Variants in RAPGEF4 observed in about 807,000 individuals in gnomAD.
RAPGEF4 encodes RAP guanine-nucleotide-exchange factor (GEF) 4.
A neutral mutation model predicts 147.9 loss-of-function variants in RAPGEF4; 66 were observed. That is an observed-to-expected ratio of 0.45 (90% CI 0.37 to 0.55). The LOEUF (loss-of-function observed/expected upper bound fraction) is 0.55. RAPGEF4 is among the 20% of genes least tolerant of loss of function. RAPGEF4 has a pLI of 0.00. For missense variants in RAPGEF4, 1,071 were observed against 1,257.3 expected (o/e 0.85, Z 2.24); for synonymous variants, 419 against 442.7 (o/e 0.95, Z 0.67).
chr2:173,001,232 C>T (rs752843797), intron 16 of RAPGEF4, 34 bp from the exon 17 acceptor site: 9 of 1,605,944 alleles, frequency 5.6e-6, no homozygotes, highest in South Asian at 3.3e-5. Flanking sequence ...TCCACAAGAA[C>T]CTAATTTCCT....
chr2:172,780,983 A>G (rs1004102083), intron 1 of RAPGEF4, among the ~76,000 whole-genome samples: 1 of 152,188 alleles, frequency 6.6e-6, no homozygotes, highest in African/African-American at 2.4e-5. Context: ...ATTGAAATTG[A>G]GGCTATTCAT....
intron 6 of RAPGEF4, among the ~76,000 whole-genome samples, chr2:172,943,651 C>T (rs1177286703): frequency 6.6e-6 from 1 of 152,236 alleles, no homozygotes; most frequent in East Asian, 1.9e-4. Flanking sequence ...TGTGCTGAAG[C>T]ACCCTAAACA....
chr2:172,990,279 T>G (rs573686017), intron 14 of RAPGEF4, among the ~76,000 whole-genome samples: 3 of 152,326 alleles, frequency 2.0e-5, no homozygotes, highest in Non-Finnish European at 2.9e-5. Context: ...CGAATCAGAT[T>G]AGGACCATTA....
At chr2:172,988,571 A>T in intron 13 of RAPGEF4, 122 bp from the exon 14 acceptor site, 1 of 1,204,632 alleles carries the variant, frequency 8.3e-7, no homozygotes, top group South Asian at 1.5e-5. Context: ...CCCCTTTGGC[A>T]TCGCTAGGTA....
At chr2:172,945,085 T>C (rs1194272678) in intron 6 of RAPGEF4, among the ~76,000 whole-genome samples, 1 of 152,188 alleles carries the variant, frequency 6.6e-6, no homozygotes, top group Non-Finnish European at 1.5e-5. Context: ...ATGCTACTTA[T>C]TTCTTTGGCC....
intron 4 of RAPGEF4, among the ~76,000 whole-genome samples, chr2:172,915,038 A>G (rs925996119): frequency 6.6e-6 from 1 of 152,184 alleles, no homozygotes; most frequent in Non-Finnish European, 1.5e-5. Flanking sequence ...ATCCTAATTA[A>G]TATAGAGCGT....
At chr2:172,829,525 G>A (rs1171456848) in intron 4 of RAPGEF4, among the ~76,000 whole-genome samples, 2 of 152,158 alleles carry the variant, frequency 1.3e-5, no homozygotes, top group South Asian at 2.1e-4. Context: ...GTCTCTGTAT[G>A]TGAATAATAC....
intron 6 of RAPGEF4, among the ~76,000 whole-genome samples, chr2:172,923,970 A>T (rs533431606): frequency 3.9e-5 from 6 of 152,182 alleles, no homozygotes; most frequent in African/African-American, 7.2e-5. Context: ...AAAAAACTTT[A>T]AAAAAAATCT....
At chr2:173,008,811 G>T (rs1040682448) in intron 17 of RAPGEF4, among the ~76,000 whole-genome samples, 3 of 152,132 alleles carry the variant, frequency 2.0e-5, no homozygotes, top group Non-Finnish European at 4.4e-5. Context: ...AAAATTACAG[G>T]TGCCTGTGGT....
intron 3 of RAPGEF4, among the ~76,000 whole-genome samples, chr2:172,803,828 T>C (rs1687211122): frequency 1.3e-5 from 2 of 152,160 alleles, no homozygotes; most frequent in African/African-American, 4.8e-5. Context: ...AAACCCTAAA[T>C]CATCTCTCTC....
rs551843851 is a variant in RAPGEF4 at position 172,802,185 on chromosome 2, T to C, written c.297+4572T>C. 5.9e-4 allele frequency among the ~76,000 whole-genome samples: 90 copies of C among 152,362 alleles called. 1 individual carries two copies. The highest frequency in any genetic ancestry group is 1.1e-3 in the Non-Finnish European group (77 of 68,038). ...ATGGGAATACATGAGGGAGACCACC[T>C]TTCCCAGATTCTGCAATAGTATTTT... On this transcript the variant is annotated intron_variant, in intron 3 of 30. Coordinates refer to ENST00000397081, the MANE Select transcript of RAPGEF4 (RefSeq NM_007023.4).
At chr2:172,963,611 T>C (rs1342892150) in intron 8 of RAPGEF4, among the ~76,000 whole-genome samples, 1 of 152,218 alleles carries the variant, frequency 6.6e-6, no homozygotes, top group Non-Finnish European at 1.5e-5. Flanking sequence ...AGGTGTTATG[T>C]CTGTTCCATG....
chr2:172,875,674 G>C (rs1314998285), intron 4 of RAPGEF4, among the ~76,000 whole-genome samples: 1 of 152,176 alleles, frequency 6.6e-6, no homozygotes, highest in African/African-American at 2.4e-5. Flanking sequence ...TTTGAAGTCA[G>C]GTAGCATGAT....
intron 6 of RAPGEF4, among the ~76,000 whole-genome samples, chr2:172,936,665 C>G (rs1256368324): frequency 6.6e-6 from 1 of 151,552 alleles, no homozygotes; most frequent in South Asian, 2.1e-4. Context: ...CATCCCTGTC[C>G]CATTACTGGA....
chr2:172,996,254 G>A (rs1693351109), intron 15 of RAPGEF4, among the ~76,000 whole-genome samples: 2 of 152,124 alleles, frequency 1.3e-5, no homozygotes, highest in Admixed American at 1.3e-4. Flanking sequence ...AAAGAACAGT[G>A]TTTGTAGTAA....
At position 172,993,688 on chromosome 2, in the gene RAPGEF4, G is replaced by A. The variant is rs538726632; in HGVS notation, c.1490+2763G>A. On this transcript the variant is annotated intron_variant, in intron 15 of 30. Coordinates refer to ENST00000397081, the MANE Select transcript of RAPGEF4 (RefSeq NM_007023.4). ...GGACAGTGGGAAACAAAGCCGTCAC[G>A]TGATGTTTCAGCCAAACCCAGAACC... Among the ~76,000 whole-genome samples, 31 of 152,252 alleles carry A rather than the reference G, an allele frequency of 2.0e-4. 1 individual carries two copies. The South Asian group carries it at 3.5e-3, about 17-fold the overall frequency.
intron 4 of RAPGEF4, among the ~76,000 whole-genome samples, chr2:172,836,005 TG>T (rs1354393628): frequency 6.6e-6 from 1 of 152,130 alleles, no homozygotes; most frequent in Non-Finnish European, 1.5e-5. Flanking sequence ...TGAATGAGGG[TG>T]ATAGTTGTAA....
intron 1 of RAPGEF4, chr2:172,744,260 A>G (rs769968608): frequency 6.4e-6 from 2 of 312,066 alleles, no homozygotes; most frequent in Non-Finnish European, 1.3e-5. Context: ...AAAACATGAT[A>G]TAGTCAAATC....
At chr2:172,970,155 C>G (rs1327839102) in intron 10 of RAPGEF4, among the ~76,000 whole-genome samples, 2 of 149,966 alleles carry the variant, frequency 1.3e-5, no homozygotes, top group African/African-American at 4.9e-5. Context: ...GATATTCCAA[C>G]TCTACATGTA....
Sources: gnomAD v4.1 joint callset for allele counts (sites outside exome capture counted in the v4.1 genomes callset) on GRCh38, gnomAD v4.1.1 for gene constraint, MANE v1.5 for transcripts, NCBI Gene and HGNC (gene_info 2026-07-23, HGNC 2026-07-21) for gene names.